NRXN1: variants seen among roughly 807,000 people sequenced by gnomAD.
The protein encoded by NRXN1 is neurexin 1, also known as neurexin-1.
A neutral mutation model predicts 150.9 loss-of-function variants in NRXN1; 39 were observed. That is an observed-to-expected ratio of 0.26 (90% CI 0.20 to 0.34). The LOEUF (loss-of-function observed/expected upper bound fraction) is 0.34. NRXN1 is among the 10% of genes least tolerant of loss of function. The pLI, the probability that NRXN1 is intolerant of heterozygous loss-of-function variation, is 1.00. For synonymous variants in NRXN1, 924 were observed against 757.0 expected (o/e 1.22, Z -3.62); for missense variants, 1,815 against 1,949.9 (o/e 0.93, Z 1.30).
At position 50,370,997 on chromosome 2, in the gene NRXN1, C is replaced by T. The variant is rs577884029; in HGVS notation, c.3364+94445G>A. 2.2e-4 allele frequency among the ~76,000 whole-genome samples: 34 copies of T among 152,070 alleles called. 1 individual carries two copies. The highest frequency in any genetic ancestry group is 7.7e-4 in the African/African-American group (32 of 41,504). On this transcript the variant is annotated intron_variant, in intron 17 of 22. Coordinates refer to ENST00000401669, the MANE Select transcript of NRXN1 (RefSeq NM_001330078.2). ...TAAGGAACTGCCGGTACCTATTTTT[C>T]CTCCTCAAATTCAATCAAAGGAAAT...
intron 17 of NRXN1, among the ~76,000 whole-genome samples, chr2:50,345,809 G>A (rs2077911779): frequency 6.6e-6 from 1 of 152,172 alleles, no homozygotes; most frequent in Admixed American, 6.5e-5. Context: ...AGACCTCCGG[G>A]CTTAGCCCAG....
At chr2:50,474,205 G>A (rs932351341) in intron 15 of NRXN1, among the ~76,000 whole-genome samples, 1 of 151,562 alleles carries the variant, frequency 6.6e-6, no homozygotes, top group African/African-American at 2.4e-5. Flanking sequence ...TTAAATTTCA[G>A]GCCATTGTGT....
At chr2:50,169,487 G>A (rs2059891648) in intron 18 of NRXN1, among the ~76,000 whole-genome samples, 1 of 152,054 alleles carries the variant, frequency 6.6e-6, no homozygotes. Flanking sequence ...GGCCAAGGAG[G>A]GCGGATTACG....
At chr2:50,084,240 C>T (rs763792317) in intron 19 of NRXN1, among the ~76,000 whole-genome samples, 19 of 152,308 alleles carry the variant, frequency 1.2e-4, no homozygotes, top group South Asian at 2.1e-4. Flanking sequence ...TGCCCTTGCG[C>T]GGTGGATGAG....
At position 50,219,458 on chromosome 2, in the gene NRXN1, GA is replaced by G. The variant is rs2063644889; in HGVS notation, c.3546+17330del. 5.3e-5 allele frequency among the ~76,000 whole-genome samples: 8 copies of G among 151,666 alleles called. 1 individual carries two copies. The South Asian group carries it at 1.7e-3, about 32-fold the overall frequency. On this transcript the variant is annotated intron_variant, in intron 18 of 22. Transcript: ENST00000401669. ...TTGATAAAAAGGCCCTATGAGGTTA[GA>G]TTTATACAATTTTATTGGCAATGAC...
intron 18 of NRXN1, among the ~76,000 whole-genome samples, chr2:50,173,210 A>T (rs1476488270): frequency 1.3e-5 from 2 of 152,178 alleles, no homozygotes; most frequent in African/African-American, 4.8e-5. Context: ...GCAAAAACTC[A>T]TCAGAAAAGA....
chr2:50,333,301 C>A (rs796741438), intron 17 of NRXN1, among the ~76,000 whole-genome samples: 9 of 152,154 alleles, frequency 5.9e-5, no homozygotes, highest in African/African-American at 1.2e-4. Flanking sequence ...GACCGGGCTG[C>A]AACGTTGCCC....
At chr2:50,611,898 TGC>T (rs1678210341) in intron 8 of NRXN1, among the ~76,000 whole-genome samples, 1 of 152,170 alleles carries the variant, frequency 6.6e-6, no homozygotes, top group South Asian at 2.1e-4. Flanking sequence ...AAATATTTCC[TGC>T]TGCTTCTTCT....
chr2:50,872,059 A>G (rs1475576072), intron 5 of NRXN1, among the ~76,000 whole-genome samples: 1 of 151,898 alleles, frequency 6.6e-6, no homozygotes, highest in African/African-American at 2.4e-5. Context: ...CCTACTACTC[A>G]GAGACAACTA....
chr2:50,118,084 G>A (rs1370902028), intron 18 of NRXN1, among the ~76,000 whole-genome samples: 1 of 152,140 alleles, frequency 6.6e-6, no homozygotes, highest in Non-Finnish European at 1.5e-5. Flanking sequence ...GAAGGTAAAG[G>A]TGTTTAGGAG....
intron 17 of NRXN1, among the ~76,000 whole-genome samples, chr2:50,396,354 T>G (rs1448273213): frequency 6.6e-6 from 1 of 152,220 alleles, no homozygotes; most frequent in Non-Finnish European, 1.5e-5. Flanking sequence ...TAATGGTACT[T>G]ATTTGAATCA....
chr2:50,425,975 C>T (rs773094528), intron 17 of NRXN1, among the ~76,000 whole-genome samples: 8 of 152,202 alleles, frequency 5.3e-5, no homozygotes, highest in African/African-American at 1.9e-4. Flanking sequence ...CATATCCCAA[C>T]CTCTGTGTGC....
chr2:50,183,313 G>A (rs1461288038), intron 18 of NRXN1, among the ~76,000 whole-genome samples: 3 of 151,972 alleles, frequency 2.0e-5, no homozygotes, highest in Admixed American at 1.3e-4. Flanking sequence ...ATACCACAGG[G>A]TTCATATTTA....
intron 18 of NRXN1, among the ~76,000 whole-genome samples, chr2:50,232,714 T>A (rs2065062394): frequency 6.6e-6 from 1 of 152,052 alleles, no homozygotes; most frequent in African/African-American, 2.4e-5. Flanking sequence ...ACCATTATTA[T>A]AAATCATGTT....
At position 50,529,818 on chromosome 2, in the gene NRXN1, C is replaced by A. The variant is rs535575153; in HGVS notation, c.2348-1167G>T. On this transcript the variant is annotated intron_variant, in intron 11 of 22. Transcript: ENST00000401669. Reference sequence around the variant, plus strand: ...AACCTGTCATCGTCACTAGAGGGTACTCTAACAGAACAGTAAAGGAGAGTG... The same window carrying A: ...AACCTGTCATCGTCACTAGAGGGTAATCTAACAGAACAGTAAAGGAGAGTG... Among the ~76,000 whole-genome samples the A allele has an allele frequency of 2.0e-4, 31 of 152,128 alleles. 1 individual carries two copies. Among genetic ancestry groups the A allele is most frequent in the Non-Finnish European group, 4.3e-4 (29 of 68,026 alleles).
chr2:50,405,912 AAT>A (rs2082720993), intron 17 of NRXN1, among the ~76,000 whole-genome samples: 1 of 152,152 alleles, frequency 6.6e-6, no homozygotes, highest in Admixed American at 6.5e-5. Context: ...AATTCATTGA[AAT>A]TCTCACAAAA....
intron 2 of NRXN1, among the ~76,000 whole-genome samples, chr2:51,022,648 T>C (rs1669806990): frequency 6.6e-6 from 1 of 152,160 alleles, no homozygotes; most frequent in African/African-American, 2.4e-5. Context: ...GATCCACCTT[T>C]TCCTACAATG....
chr2:49,978,518 A>T (rs1204698275), intron 21 of NRXN1, among the ~76,000 whole-genome samples: 1 of 152,156 alleles, frequency 6.6e-6, no homozygotes, highest in Non-Finnish European at 1.5e-5. Context: ...CCACACTGTC[A>T]GGCCTGTGGT....
chr2:50,910,567 T>A (rs545663597), intron 5 of NRXN1, among the ~76,000 whole-genome samples: 24 of 151,926 alleles, frequency 1.6e-4, no homozygotes, highest in Non-Finnish European at 2.9e-4. Flanking sequence ...GCATCTTTCA[T>A]GTACCAAGCT....
Sources: gnomAD v4.1 joint callset for allele counts (sites outside exome capture counted in the v4.1 genomes callset) on GRCh38, gnomAD v4.1.1 for gene constraint, MANE v1.5 for transcripts, NCBI Gene and HGNC (gene_info 2026-07-23, HGNC 2026-07-21) for gene names.